KHDRBS2: variants seen among roughly 807,000 people sequenced by gnomAD.
KHDRBS2 encodes the protein KH RNA binding domain containing, signal transduction associated 2.
In KHDRBS2, 26 loss-of-function variants were observed where a neutral mutation model predicts 44.3. The ratio of observed to expected loss-of-function variants is 0.59; its 90% CI spans 0.43 to 0.81. The LOEUF (loss-of-function observed/expected upper bound fraction) is 0.81, where lower values mean the gene tolerates loss of function less well. KHDRBS2 is among the 40% of genes least tolerant of loss of function. KHDRBS2 has a pLI of 0.00. For synonymous variants in KHDRBS2, 194 were observed against 151.1 expected, an observed-to-expected ratio of 1.28 and a Z score of -2.08; for missense variants, 476 against 433.1, an observed-to-expected ratio of 1.10 and a Z score of -0.88.
the KHDRBS2 span, among the ~76,000 whole-genome samples, chr6:61,563,708 T>C: frequency 6.6e-6 from 1 of 152,118 alleles, no homozygotes; most frequent in Non-Finnish European, 1.5e-5. Flanking sequence ...AGTTGCACTT[T>C]TTATACAAAA....
At chr6:61,710,752 C>T (rs1220691489) in intron 7 of KHDRBS2, among the ~76,000 whole-genome samples, 1 of 148,362 alleles carries the variant, frequency 6.7e-6, no homozygotes, top group African/African-American at 2.5e-5. Flanking sequence ...GTGTAAGACT[C>T]TGCTCATACC....
At chr6:62,071,384 C>A (rs1016770544) in intron 2 of KHDRBS2, among the ~76,000 whole-genome samples, 1 of 152,158 alleles carries the variant, frequency 6.6e-6, no homozygotes, top group African/African-American at 2.4e-5. Context: ...GTTGCCATTG[C>A]TTTTGGTGTC....
intron 2 of KHDRBS2, among the ~76,000 whole-genome samples, chr6:62,119,832 G>A (rs1807169573): frequency 6.6e-6 from 1 of 152,162 alleles, no homozygotes. Context: ...TGCCAGGCAA[G>A]ATAATGCTGA....
At chr6:61,872,652 C>T (rs989872009) in intron 6 of KHDRBS2, among the ~76,000 whole-genome samples, 3 of 152,002 alleles carry the variant, frequency 2.0e-5, no homozygotes, top group African/African-American at 4.8e-5. Flanking sequence ...AGACAAATAA[C>T]TCGATATCAT....
intron 2 of KHDRBS2, among the ~76,000 whole-genome samples, chr6:62,055,714 A>G (rs953790593): frequency 1.1e-4 from 17 of 152,036 alleles, no homozygotes; most frequent in South Asian, 6.2e-4. Flanking sequence ...TTATGTCTCA[A>G]AACAACTTTT....
At chr6:62,268,488 G>A (rs1472095278) in intron 1 of KHDRBS2, among the ~76,000 whole-genome samples, 1 of 152,054 alleles carries the variant, frequency 6.6e-6, no homozygotes, top group African/African-American at 2.4e-5. Context: ...AAGATATAAA[G>A]ATGAGCTATC....
intron 1 of KHDRBS2, among the ~76,000 whole-genome samples, chr6:62,181,487 C>G (rs1822287439): frequency 1.3e-5 from 2 of 151,758 alleles, no homozygotes; most frequent in Admixed American, 6.6e-5. Flanking sequence ...ATCAAAGCAA[C>G]AATGAATTAT....
intron 4 of KHDRBS2, among the ~76,000 whole-genome samples, chr6:61,921,666 T>G (rs1184637927): frequency 3.9e-5 from 6 of 151,992 alleles, no homozygotes; most frequent in African/African-American, 1.4e-4. Context: ...ACAGAACTCA[T>G]TCTTTTTAGT....
At chr6:61,770,703 C>T (rs1454857835) in intron 6 of KHDRBS2, among the ~76,000 whole-genome samples, 5 of 152,284 alleles carry the variant, frequency 3.3e-5, no homozygotes, top group Non-Finnish European at 2.9e-5. Flanking sequence ...ACCAAATCTA[C>T]ATCTGATTGG....
intron 3 of KHDRBS2, among the ~76,000 whole-genome samples, chr6:62,017,330 A>C (rs1781394980): frequency 6.6e-6 from 1 of 152,162 alleles, no homozygotes. Flanking sequence ...AAAATCCTAT[A>C]AGAGGAGTAA....
At chr6:62,241,833 G>T (rs751456767) in intron 1 of KHDRBS2, among the ~76,000 whole-genome samples, 1 of 150,526 alleles carries the variant, frequency 6.6e-6, no homozygotes, top group East Asian at 1.9e-4. Context: ...GGGCAAATAG[G>T]TATTATATAT....
chr6:62,067,571 T>C (rs553646118), intron 2 of KHDRBS2, among the ~76,000 whole-genome samples: 3 of 151,712 alleles, frequency 2.0e-5, no homozygotes, highest in South Asian at 4.1e-4. Context: ...ATTTTAAACA[T>C]ATTTATTGAT....
intron 6 of KHDRBS2, among the ~76,000 whole-genome samples, chr6:61,880,335 T>G (rs572997052): frequency 6.6e-6 from 1 of 152,030 alleles, no homozygotes; most frequent in African/African-American, 2.4e-5. Flanking sequence ...GGAGCAAATT[T>G]TAATGGAGGA....
intron 8 of KHDRBS2, among the ~76,000 whole-genome samples, chr6:61,692,397 GAT>G (rs1561975877): frequency 2.0e-5 from 3 of 151,588 alleles, no homozygotes; most frequent in Admixed American, 1.3e-4. Context: ...ATATTTATAA[GAT>G]AATTATATGT....
At chr6:61,914,196 G>T (rs150948289) in intron 4 of KHDRBS2, among the ~76,000 whole-genome samples, 1 of 151,982 alleles carries the variant, frequency 6.6e-6, no homozygotes, top group African/African-American at 2.4e-5. Flanking sequence ...GTGGTGGAGA[G>T]AAAGAGCCAT....
At chr6:62,103,208 G>A (rs1364577195) in intron 2 of KHDRBS2, among the ~76,000 whole-genome samples, 1 of 152,134 alleles carries the variant, frequency 6.6e-6, no homozygotes, top group Non-Finnish European at 1.5e-5. Context: ...TCCCTGACTT[G>A]AAGATGGGGT....
intron 4 of KHDRBS2, among the ~76,000 whole-genome samples, chr6:61,941,267 C>A (rs1331169622): frequency 6.6e-6 from 1 of 152,124 alleles, no homozygotes; most frequent in East Asian, 1.9e-4. Flanking sequence ...TGGAGACTGG[C>A]CTGCACATTA....
chr6:61,748,280 C>T (rs561926040), intron 6 of KHDRBS2, among the ~76,000 whole-genome samples: 18 of 152,282 alleles, frequency 1.2e-4, no homozygotes, highest in African/African-American at 3.6e-4. Flanking sequence ...TGAGCCACCA[C>T]ACCCAGACTT....
chr6:62,133,419 T>C (rs534791545), intron 2 of KHDRBS2, among the ~76,000 whole-genome samples: 84 of 152,330 alleles, frequency 5.5e-4, no homozygotes, highest in Admixed American at 2.2e-3. Context: ...TCTTTTGCCT[T>C]CCACCATGAT....
Sources: gnomAD v4.1 joint callset for allele counts (sites outside exome capture counted in the v4.1 genomes callset) on GRCh38, gnomAD v4.1.1 for gene constraint, MANE v1.5 for transcripts, NCBI Gene and HGNC (gene_info 2026-07-23, HGNC 2026-07-21) for gene names.